ITPR1: variants seen among roughly 807,000 people sequenced by gnomAD.
ITPR1 encodes inositol 1,4,5-trisphosphate receptor type 1.
In ITPR1, 96 loss-of-function variants were observed where a neutral mutation model predicts 318.4. That is an observed-to-expected ratio of 0.30 (90% CI 0.26 to 0.36). The LOEUF is 0.36. ITPR1 is among the 10% of genes least tolerant of loss of function. The pLI, the probability that ITPR1 is intolerant of heterozygous loss-of-function variation, is 1.00. For missense variants in ITPR1, 2,440 were observed against 3,460.2 expected (o/e 0.71, Z 7.40); for synonymous variants, 1,312 against 1,289.9 (o/e 1.02, Z -0.37).
chr3:4,700,272 G>C (rs1444135938), intron 35 of ITPR1, among the ~76,000 whole-genome samples: 2 of 152,168 alleles, frequency 1.3e-5, no homozygotes, highest in Admixed American at 6.5e-5. Context: ...ACACAGAGTA[G>C]GTGCTTTAAT....
chr3:4,837,384 A>T (rs2050998991), intron 61 of ITPR1, among the ~76,000 whole-genome samples: 1 of 152,102 alleles, frequency 6.6e-6, no homozygotes, highest in Non-Finnish European at 1.5e-5. Context: ...AACCATAGTC[A>T]TGGAAAAGCC....
rs1223463860 is a variant in ITPR1, at chr3:4,645,768, A to G, written c.855+40A>G. ...GAGAAAGGGCTCCTGGGTTTAGAGG[A>G]TATCAGCCTGTATATAGGCTCTCTC... On this transcript the variant is annotated intron_variant, in intron 10 of 61. Transcript: ENST00000649015. 3 of 1,564,050 alleles carry G rather than the reference A, an allele frequency of 1.9e-6. No individual in the cohort carries two copies. In the African/African-American group the frequency reaches 4.6e-5, roughly 24 times the overall value.
At chr3:4,665,321 G>A (rs2093922482) in intron 17 of ITPR1, 25 bp downstream of exon 17, 1 of 1,584,588 alleles carries the variant, frequency 6.3e-7, no homozygotes, top group Admixed American at 1.8e-5. Context: ...TTGGTGGGAT[G>A]TGGTTGTCAG....
chr3:4,810,646 A>G (rs1416217725), intron 55 of ITPR1, among the ~76,000 whole-genome samples: 3 of 152,208 alleles, frequency 2.0e-5, no homozygotes, highest in Non-Finnish European at 4.4e-5. Flanking sequence ...CCAGTGTGCT[A>G]AGCACTGTGC....
At chr3:4,527,326 C>T (rs2083062990) in intron 4 of ITPR1, among the ~76,000 whole-genome samples, 1 of 152,084 alleles carries the variant, frequency 6.6e-6, no homozygotes, top group South Asian at 2.1e-4. Flanking sequence ...ACGGACATAC[C>T]CCATCATGCC....
intron 44 of ITPR1, among the ~76,000 whole-genome samples, chr3:4,753,692 G>A (rs570526907): frequency 6.6e-6 from 1 of 152,164 alleles, no homozygotes; most frequent in Non-Finnish European, 1.5e-5. Context: ...ACCTAAGCCA[G>A]TGTCCTTGCC....
chr3:4,525,090 T>C (rs2082871867), intron 4 of ITPR1, among the ~76,000 whole-genome samples: 1 of 152,192 alleles, frequency 6.6e-6, no homozygotes, highest in Non-Finnish European at 1.5e-5. Flanking sequence ...GTTATTTTTT[T>C]TTTGTCTTCA....
At chr3:4,602,449 G>A (rs2091361821) in intron 4 of ITPR1, among the ~76,000 whole-genome samples, 1 of 151,372 alleles carries the variant, frequency 6.6e-6, no homozygotes, top group African/African-American at 2.4e-5. Context: ...AATGACCCGG[G>A]CCTAGGAGGT....
At chr3:4,823,785 G>A (rs2049878246) in intron 60 of ITPR1, among the ~76,000 whole-genome samples, 1 of 152,102 alleles carries the variant, frequency 6.6e-6, no homozygotes, top group Non-Finnish European at 1.5e-5. Flanking sequence ...AAAATGTGTG[G>A]TGCTTGGGTG....
chr3:4,618,655 C>A (rs751345900), intron 4 of ITPR1, among the ~76,000 whole-genome samples: 7 of 152,126 alleles, frequency 4.6e-5, no homozygotes, highest in Non-Finnish European at 1.0e-4. Context: ...CTCTCCAATT[C>A]CTCAGCATGT....
chr3:4,824,832 G>A (rs910943939), intron 60 of ITPR1, among the ~76,000 whole-genome samples: 3 of 152,144 alleles, frequency 2.0e-5, no homozygotes, highest in Admixed American at 6.5e-5. Flanking sequence ...TTGTTGAGAC[G>A]GTAGGAGTTC....
At chr3:4,594,605 G>C (rs988375527) in intron 4 of ITPR1, among the ~76,000 whole-genome samples, 1 of 152,170 alleles carries the variant, frequency 6.6e-6, no homozygotes, top group Admixed American at 6.5e-5. Context: ...TTCAGCCATT[G>C]TGTTCACATT....
At chr3:4,545,547 T>TTC in intron 4 of ITPR1, among the ~76,000 whole-genome samples, 1 of 138,690 alleles carries the variant, frequency 7.2e-6, no homozygotes, top group South Asian at 2.2e-4. Flanking sequence ...CTCTGGACCC[T>TTC]AGGAGACTGA....
chr3:4,554,906 A>G (rs915348350), intron 4 of ITPR1, among the ~76,000 whole-genome samples: 4 of 152,238 alleles, frequency 2.6e-5, no homozygotes, highest in Non-Finnish European at 5.9e-5. Context: ...ACTGTTGCTC[A>G]TATATCAATG....
At chr3:4,727,234 C>T in intron 42 of ITPR1, 61 bp downstream of exon 42, 1 of 1,196,666 alleles carries the variant, frequency 8.4e-7, no homozygotes, top group South Asian at 1.4e-5. Flanking sequence ...ACACCTCCAT[C>T]AGCCACACAC....
intron 4 of ITPR1, among the ~76,000 whole-genome samples, chr3:4,536,901 G>A (rs2083919744): frequency 6.6e-6 from 1 of 152,202 alleles, no homozygotes; most frequent in Non-Finnish European, 1.5e-5. Context: ...TGGTGAACTA[G>A]ACTCTTGATT....
At chr3:4,629,766 C>A (rs528175090) in intron 5 of ITPR1, among the ~76,000 whole-genome samples, 3 of 152,186 alleles carry the variant, frequency 2.0e-5, no homozygotes, top group African/African-American at 7.2e-5. Flanking sequence ...GGTGCCAAAT[C>A]GGTCTTTGCT....
At chr3:4,500,533 C>T (rs1214646739) in intron 2 of ITPR1, among the ~76,000 whole-genome samples, 1 of 152,084 alleles carries the variant, frequency 6.6e-6, no homozygotes, top group Non-Finnish European at 1.5e-5. Flanking sequence ...CCACCTAGGG[C>T]CAAGTAGGTA....
chr3:4,497,132 G>A (rs1406070160), intron 2 of ITPR1, among the ~76,000 whole-genome samples: 1 of 152,106 alleles, frequency 6.6e-6, no homozygotes, highest in African/African-American at 2.4e-5. Flanking sequence ...AAGGCTTGAA[G>A]TCGGTGATGT....
Sources: allele counts gnomAD v4.1 joint callset (sites outside exome capture counted in the v4.1 genomes callset), GRCh38; gene constraint gnomAD v4.1.1; transcripts MANE v1.5; gene names NCBI Gene and HGNC (gene_info 2026-07-23, HGNC 2026-07-21).